Variants in ITGA8 observed in about 807,000 individuals in gnomAD.
ITGA8 encodes the protein integrin alpha-8.
In ITGA8, 91 loss-of-function variants were observed where a neutral mutation model predicts 142.3. That is an observed-to-expected ratio of 0.64 (90% CI 0.54 to 0.76). The LOEUF (loss-of-function observed/expected upper bound fraction) is 0.76, where lower values mean the gene tolerates loss of function less well. ITGA8 is among the 30% of genes least tolerant of loss of function. ITGA8 has a pLI of 0.00. For synonymous variants in ITGA8, 505 were observed against 485.2 expected, an observed-to-expected ratio of 1.04 and a Z score of -0.54; for missense variants, 1,406 against 1,327.7, an observed-to-expected ratio of 1.06 and a Z score of -0.92.
intron 2 of ITGA8, among the ~76,000 whole-genome samples, chr10:15,717,935 T>G (rs937748909): frequency 2.0e-5 from 3 of 152,256 alleles, no homozygotes; most frequent in Non-Finnish European, 4.4e-5. Flanking sequence ...ACAAGGTATT[T>G]TAAACGATTA....
intron 19 of ITGA8, among the ~76,000 whole-genome samples, chr10:15,604,836 G>A (rs1833165944): frequency 6.6e-6 from 1 of 152,084 alleles, no homozygotes; most frequent in African/African-American, 2.4e-5. Context: ...ATAGATTAAT[G>A]CAAAGGAAAT....
chr10:15,533,402 TGTTTGAGAAGG>T (rs1280670077), intron 27 of ITGA8, among the ~76,000 whole-genome samples: 1 of 152,212 alleles, frequency 6.6e-6, no homozygotes. Flanking sequence ...GAGTTTTGTT[TGTTTGAGAAGG>T]GTTTTTATAC....
chr10:15,571,493 T>G (rs1226331897), intron 25 of ITGA8, among the ~76,000 whole-genome samples: 1 of 152,260 alleles, frequency 6.6e-6, no homozygotes, highest in African/African-American at 2.4e-5. Context: ...AATTTCTTTC[T>G]TTCACAGAAA....
rs182073515 is a variant in ITGA8 at position 15,653,903 on chromosome 10, C to T, written c.1001+1451G>A. ...AGGCTGGAGTGCAGTGGTGCAATCA[C>T]GGCTCACTGCAACCTCTGCCTCCTG... On this transcript the variant is annotated intron_variant, in intron 11 of 29. Transcript: ENST00000378076. Among the ~76,000 whole-genome samples the T allele has an allele frequency of 1.8e-3, 279 of 151,338 alleles. 1 individual carries two copies. Among genetic ancestry groups the T allele is most frequent in the African/African-American group, 6.2e-3 (256 of 41,222 alleles).
chr10:15,584,661 C>T (rs1832792277), intron 23 of ITGA8, among the ~76,000 whole-genome samples: 1 of 152,164 alleles, frequency 6.6e-6, no homozygotes. Flanking sequence ...TGACATTCTT[C>T]CCCCTGTGTA....
chr10:15,549,199 CTGTTT>C (rs1833740661), intron 26 of ITGA8, among the ~76,000 whole-genome samples: 1 of 48,848 alleles, frequency 2.0e-5, no homozygotes, highest in African/African-American at 8.7e-5. Flanking sequence ...CTTTTCTTTT[CTGTTT>C]TTTTTTTTTT....
intron 2 of ITGA8, among the ~76,000 whole-genome samples, 193 bp from the exon 3 acceptor site, chr10:15,688,231 G>A (rs938088327): frequency 6.8e-6 from 1 of 146,202 alleles, no homozygotes; most frequent in East Asian, 2.0e-4. Flanking sequence ...GAAGCGGGAC[G>A]ATCACTTGAG....
intron 25 of ITGA8, among the ~76,000 whole-genome samples, chr10:15,571,695 C>G (rs45447593): frequency 0.28 from 42,189 of 152,082 alleles, 7,141 homozygotes; most frequent in Non-Finnish European, 0.38. Flanking sequence ...TTGAAAAGCA[C>G]GGCTCTAGGC....
At chr10:15,544,987 A>G (rs73598776) in intron 27 of ITGA8, among the ~76,000 whole-genome samples, 8,417 of 152,230 alleles carry the variant, frequency 0.055, 754 homozygotes, top group African/African-American at 0.19. Context: ...TCAGATGACT[A>G]CAGCCCCAAC....
chr10:15,598,754 TC>T (rs1376031236), intron 20 of ITGA8, among the ~76,000 whole-genome samples: 3 of 152,184 alleles, frequency 2.0e-5, no homozygotes, highest in Admixed American at 2.0e-4. Flanking sequence ...GAAATATCTG[TC>T]CTAGTTATTG....
intron 13 of ITGA8, among the ~76,000 whole-genome samples, chr10:15,634,853 T>C (rs898232513): frequency 2.0e-5 from 3 of 152,250 alleles, no homozygotes; most frequent in African/African-American, 7.2e-5. Flanking sequence ...TTGTACTATG[T>C]TTACATAAGA....
chr10:15,634,446 T>C (rs1373043358), intron 13 of ITGA8, among the ~76,000 whole-genome samples: 2 of 152,176 alleles, frequency 1.3e-5, no homozygotes, highest in African/African-American at 4.8e-5. Context: ...GTTTTACCAC[T>C]GAGAAAACTG....
chr10:15,709,424 C>G lies in ITGA8; in HGVS notation c.343+9342G>C, dbSNP rs556996345. Among the ~76,000 whole-genome samples the G allele has an allele frequency of 2.6e-5, 4 of 152,242 alleles. No individual in the cohort carries two copies. The South Asian group carries it at 8.3e-4, about 32-fold the overall frequency. On this transcript the variant is annotated intron_variant, in intron 2 of 29. Transcript: ENST00000378076. ...AATGGCGCACCCCAGAAGAAATGCT[C>G]TAGGTAGATTTTATAACTCATCATA...
intron 26 of ITGA8, among the ~76,000 whole-genome samples, chr10:15,551,806 G>A (rs1833797151): frequency 6.6e-6 from 1 of 152,106 alleles, no homozygotes; most frequent in Non-Finnish European, 1.5e-5. Flanking sequence ...TTTCTATCCA[G>A]AGTTGTTTTG....
chr10:15,675,351 C>T (rs1834607512), intron 6 of ITGA8, among the ~76,000 whole-genome samples: 1 of 152,182 alleles, frequency 6.6e-6, no homozygotes, highest in Non-Finnish European at 1.5e-5. Context: ...CACCTACAGC[C>T]ATTCAGTAGC....
intron 10 of ITGA8, among the ~76,000 whole-genome samples, chr10:15,657,098 G>A (rs1249103681): frequency 6.6e-6 from 1 of 152,102 alleles, no homozygotes; most frequent in African/African-American, 2.4e-5. Flanking sequence ...TTTACTCAGA[G>A]GAATTTCATC....
rs545329358 is a variant in ITGA8 at position 15,664,717 on chromosome 10, C to G, written c.848-3795G>C. 1.2e-4 allele frequency among the ~76,000 whole-genome samples: 17 copies of G among 144,752 alleles called. No homozygotes were observed. In the East Asian group the frequency reaches 3.5e-3, roughly 30 times the overall value. 95.0% of individuals were successfully genotyped at this position (144,752 alleles called of 152,430 possible). ...GTGTGTGATGCTCCCCTTCCTGTGT[C>G]CATGTGCTCTCATTGTTCAATTCCC... On this transcript the variant is annotated intron_variant, in intron 8 of 29. Coordinates refer to ENST00000378076, the MANE Select transcript of ITGA8 (RefSeq NM_003638.3).
At chr10:15,529,537 T>C (rs1231929345) in intron 28 of ITGA8, among the ~76,000 whole-genome samples, 2 of 152,190 alleles carry the variant, frequency 1.3e-5, no homozygotes, top group African/African-American at 2.4e-5. Flanking sequence ...CTGGCTCCCC[T>C]GCAGAATTGT....
At position 15,560,412 on chromosome 10, in the gene ITGA8, G is replaced by T. The variant is rs184164002; in HGVS notation, c.2638-2210C>A. Among the ~76,000 whole-genome samples, 226 of 152,302 alleles carry T rather than the reference G, an allele frequency of 1.5e-3. 1 individual carries two copies. Among genetic ancestry groups the T allele is most frequent in the African/African-American group, 5.2e-3 (215 of 41,572 alleles). ...TAACAAATGGATAATTATTTAAAAAGATATGAAATTAAATCCTTCTGTTGT... is the reference window on the plus strand; with the variant it reads ...TAACAAATGGATAATTATTTAAAAATATATGAAATTAAATCCTTCTGTTGT... On this transcript the variant is annotated intron_variant, in intron 25 of 29. Coordinates refer to ENST00000378076, the MANE Select transcript of ITGA8 (RefSeq NM_003638.3).
Sources: gnomAD v4.1 joint callset for allele counts (sites outside exome capture counted in the v4.1 genomes callset) on GRCh38, gnomAD v4.1.1 for gene constraint, MANE v1.5 for transcripts, NCBI Gene and HGNC (gene_info 2026-07-23, HGNC 2026-07-21) for gene names.